C1QTNF7: variants seen among roughly 807,000 people sequenced by gnomAD.
The protein encoded by C1QTNF7 is complement C1q tumor necrosis factor-related protein 7.
C1QTNF7 carries 15 observed loss-of-function variants against 19.6 expected under a neutral mutation model. The ratio of observed to expected loss-of-function variants is 0.76; its 90% CI spans 0.51 to 1.18. The LOEUF is 1.18. Among genes scored for constraint, C1QTNF7 ranks in the 50% most tolerant of loss-of-function variants. The probability of loss-of-function intolerance (pLI) is 0.00; values close to 1 mark genes in which losing one functional copy is unlikely to be tolerated. For synonymous variants in C1QTNF7, 142 were observed against 137.5 expected (o/e 1.03, Z -0.23); for missense variants, 324 against 359.7 (o/e 0.90, Z 0.80).
chr4:15,425,135 C>A (rs977287580), upstream of C1QTNF7, among the ~76,000 whole-genome samples: 2 of 151,958 alleles, frequency 1.3e-5, no homozygotes, highest in African/African-American at 4.8e-5. Context: ...TAAGGACAAG[C>A]AGATAAGGCA....
intron 1 of C1QTNF7, among the ~76,000 whole-genome samples, chr4:15,387,308 T>C (rs1267848226): frequency 6.6e-6 from 1 of 152,018 alleles, no homozygotes. Context: ...TGTGGAGGTG[T>C]CTAGCAGGTA....
intron 1 of C1QTNF7, among the ~76,000 whole-genome samples, chr4:15,377,849 A>G (rs1718000300): frequency 6.6e-6 from 1 of 152,230 alleles, no homozygotes; most frequent in African/African-American, 2.4e-5. Flanking sequence ...TAAACAACTT[A>G]GCACCGCAAC....
At chr4:15,424,423 C>T (rs1481922899), upstream of C1QTNF7, among the ~76,000 whole-genome samples, 2 of 152,226 alleles carry the variant, frequency 1.3e-5, no homozygotes, top group Non-Finnish European at 2.9e-5. Context: ...CTGCTATGCA[C>T]TCCAGGTAGC....
At chr4:15,346,768 C>A (rs529504987) in intron 1 of C1QTNF7, among the ~76,000 whole-genome samples, 5 of 152,298 alleles carry the variant, frequency 3.3e-5, no homozygotes, top group African/African-American at 9.6e-5. Context: ...TCCCTCCTTT[C>A]CTTCATAATA....
chr4:15,372,672 G>A (rs188195707), intron 1 of C1QTNF7, among the ~76,000 whole-genome samples: 6 of 152,254 alleles, frequency 3.9e-5, no homozygotes, highest in African/African-American at 7.2e-5. Context: ...TCAAGGGGGC[G>A]CTGATCTTGA....
At chr4:15,397,563 A>C (rs1718832433) in intron 1 of C1QTNF7, among the ~76,000 whole-genome samples, 1 of 152,226 alleles carries the variant, frequency 6.6e-6, no homozygotes, top group African/African-American at 2.4e-5. Context: ...TAGTGGTTAC[A>C]GGCCTGAGCT....
intron 1 of C1QTNF7, among the ~76,000 whole-genome samples, chr4:15,430,922 A>G (rs1364193953): frequency 6.6e-6 from 1 of 152,230 alleles, no homozygotes; most frequent in Non-Finnish European, 1.5e-5. Context: ...TCTAAACCCA[A>G]TAAATTGAAC....
At chr4:15,439,439 T>C (rs1369330439) in intron 2 of C1QTNF7, among the ~76,000 whole-genome samples, 1 of 152,210 alleles carries the variant, frequency 6.6e-6, no homozygotes, top group Non-Finnish European at 1.5e-5. Flanking sequence ...ATTGGGAAAC[T>C]AAAGCCAGAG....
intron 1 of C1QTNF7, among the ~76,000 whole-genome samples, chr4:15,393,190 T>C (rs1718646309): frequency 6.6e-6 from 1 of 152,226 alleles, no homozygotes. Flanking sequence ...GACATGCCTT[T>C]TGCCTTCCAC....
At chr4:15,381,378 C>T (rs1047917519) in intron 1 of C1QTNF7, among the ~76,000 whole-genome samples, 10 of 149,846 alleles carry the variant, frequency 6.7e-5, no homozygotes, top group African/African-American at 1.5e-4. Context: ...GCAGAGATGG[C>T]GCCACTGCAC....
At chr4:15,386,145 G>C (rs1718328282) in intron 1 of C1QTNF7, among the ~76,000 whole-genome samples, 1 of 152,162 alleles carries the variant, frequency 6.6e-6, no homozygotes, top group Admixed American at 6.5e-5. Flanking sequence ...CCGCATCCCA[G>C]CCCGGCTCCA....
At chr4:15,423,322 C>CA (rs5856300), upstream of C1QTNF7, among the ~76,000 whole-genome samples, 131,911 of 152,162 alleles carry the variant, frequency 0.87, 57,238 homozygotes, top group East Asian at 0.98. Context: ...TCTTCGCTTT[C>CA]AAGCTGTATG....
intron 1 of C1QTNF7, among the ~76,000 whole-genome samples, chr4:15,432,909 T>C (rs1044694659): frequency 6.6e-6 from 1 of 152,230 alleles, no homozygotes; most frequent in African/African-American, 2.4e-5. Flanking sequence ...CTATTGGCAA[T>C]ACTGAATATC....
intron 1 of C1QTNF7, among the ~76,000 whole-genome samples, chr4:15,342,029 G>C (rs944240527): frequency 1.3e-5 from 2 of 152,240 alleles, no homozygotes; most frequent in African/African-American, 4.8e-5. Context: ...AAGGCTATTA[G>C]GGTTGCTAAT....
At chr4:15,365,168 T>A (rs907762466) in intron 1 of C1QTNF7, among the ~76,000 whole-genome samples, 33 of 152,088 alleles carry the variant, frequency 2.2e-4, no homozygotes, top group African/African-American at 7.7e-4. Context: ...TGTTCATACA[T>A]AAAGGTATGA....
chr4:15,388,420 A>C (rs1718423901), intron 1 of C1QTNF7, among the ~76,000 whole-genome samples: 1 of 152,198 alleles, frequency 6.6e-6, no homozygotes, highest in Non-Finnish European at 1.5e-5. Flanking sequence ...CAAGGAGTCA[A>C]GTATGTGTTC....
intron 1 of C1QTNF7, among the ~76,000 whole-genome samples, chr4:15,355,394 T>C (rs1386699360): frequency 1.3e-5 from 2 of 152,004 alleles, no homozygotes; most frequent in African/African-American, 4.8e-5. Context: ...TAATAGAAAC[T>C]AATATGGATC....
At chr4:15,399,700 C>A (rs991227770) in intron 1 of C1QTNF7, among the ~76,000 whole-genome samples, 6 of 152,168 alleles carry the variant, frequency 3.9e-5, no homozygotes, top group African/African-American at 7.2e-5. Context: ...TTGACTATCA[C>A]CTCCTTACCT....
At chr4:15,426,499 T>C (rs1394351795), upstream of C1QTNF7, among the ~76,000 whole-genome samples, 1 of 152,216 alleles carries the variant, frequency 6.6e-6, no homozygotes, top group Admixed American at 6.5e-5. Flanking sequence ...ATTCAATTTT[T>C]ATTGAAGAAC....
Sources: allele counts gnomAD v4.1 joint callset (sites outside exome capture counted in the v4.1 genomes callset), GRCh38; gene constraint gnomAD v4.1.1; transcripts MANE v1.5; gene names NCBI Gene and HGNC (gene_info 2026-07-23, HGNC 2026-07-21).